WWOX: variants seen among roughly 807,000 people sequenced by gnomAD.
The protein encoded by WWOX is WW domain-containing oxidoreductase.
A neutral mutation model predicts 46.2 loss-of-function variants in WWOX; 69 were observed. The observed-to-expected ratio is 1.49, with a 90% CI of 1.23 to 1.82. The LOEUF (loss-of-function observed/expected upper bound fraction) is 1.82. Among genes scored for constraint, WWOX ranks in the 40% most tolerant of loss-of-function variants. The pLI, the probability that WWOX is intolerant of heterozygous loss-of-function variation, is 0.00. For synonymous variants in WWOX, 359 were observed against 202.6 expected (o/e 1.77, Z -6.56); for missense variants, 919 against 542.6 (o/e 1.69, Z -6.89).
At chr16:78,295,253 A>C (rs1190814107) in intron 5 of WWOX, among the ~76,000 whole-genome samples, 1 of 152,154 alleles carries the variant, frequency 6.6e-6, no homozygotes, top group African/African-American at 2.4e-5. Context: ...TCTAGACTGA[A>C]ATGTGCTAAT....
intron 5 of WWOX, among the ~76,000 whole-genome samples, chr16:78,268,105 C>T (rs1400674487): frequency 2.0e-5 from 3 of 152,200 alleles, no homozygotes; most frequent in South Asian, 2.1e-4. Context: ...AGGCGTGAGC[C>T]GCCGTGTCTG....
intron 6 of WWOX, among the ~76,000 whole-genome samples, chr16:78,402,908 C>T (rs963039829): frequency 6.6e-6 from 1 of 152,194 alleles, no homozygotes; most frequent in Non-Finnish European, 1.5e-5. Context: ...TCCTCAACTC[C>T]AGAGCCAAGT....
In WWOX at chr16:78,391,095, G is replaced by C. The variant is rs544172103; in HGVS notation, c.605+4147G>C. 3.3e-5 allele frequency among the ~76,000 whole-genome samples: 5 copies of C among 152,278 alleles called. No homozygotes were observed. The South Asian group carries it at 6.2e-4, about 19-fold the overall frequency. On this transcript the variant is annotated intron_variant, in intron 6 of 8. Coordinates refer to ENST00000566780, the MANE Select transcript of WWOX (RefSeq NM_016373.4). ...CTTAGTACAAACACTGGTGAGAAAA[G>C]CAGCATATTGTACTGTGGAACCACC... is the stretch of plus-strand genomic sequence containing the variant.
intron 5 of WWOX, among the ~76,000 whole-genome samples, chr16:78,228,530 C>T (rs1385124555): frequency 1.3e-5 from 2 of 152,024 alleles, no homozygotes; most frequent in African/African-American, 4.8e-5. Flanking sequence ...TTTGTAGAGA[C>T]AGGGTTTCAC....
At chr16:78,485,064 G>A (rs949510660) in intron 8 of WWOX, among the ~76,000 whole-genome samples, 1 of 152,002 alleles carries the variant, frequency 6.6e-6, no homozygotes, top group Non-Finnish European at 1.5e-5. Flanking sequence ...GATGAATGTT[G>A]GAAGTCCTTC....
intron 8 of WWOX, among the ~76,000 whole-genome samples, chr16:79,015,937 G>C (rs1490416985): frequency 6.6e-6 from 1 of 152,120 alleles, no homozygotes; most frequent in Non-Finnish European, 1.5e-5. Context: ...TTTTAGTAGA[G>C]ACAGGATTTC....
chr16:78,243,450 CT>C (rs1433509684), intron 5 of WWOX, among the ~76,000 whole-genome samples: 2 of 152,062 alleles, frequency 1.3e-5, no homozygotes, highest in East Asian at 3.9e-4. Context: ...TATACAGATT[CT>C]TTTGTCACCC....
At chr16:78,802,329 G>T (rs1369735921) in intron 8 of WWOX, among the ~76,000 whole-genome samples, 5 of 150,460 alleles carry the variant, frequency 3.3e-5, no homozygotes, top group Non-Finnish European at 4.4e-5. Context: ...ACACAGAAAG[G>T]AACATAAATT....
At chr16:78,363,309 T>C (rs2081453307) in intron 5 of WWOX, among the ~76,000 whole-genome samples, 1 of 151,778 alleles carries the variant, frequency 6.6e-6, no homozygotes, top group Non-Finnish European at 1.5e-5. Flanking sequence ...GGTCTTAATA[T>C]GTCACCCAGG....
intron 4 of WWOX, among the ~76,000 whole-genome samples, chr16:78,118,005 A>C (rs988115455): frequency 6.6e-6 from 1 of 151,536 alleles, no homozygotes; most frequent in Non-Finnish European, 1.5e-5. Flanking sequence ...CGATTTGCAA[A>C]TCTAGTATTT....
chr16:78,473,287 G>A (rs1211058326), intron 8 of WWOX, among the ~76,000 whole-genome samples: 3 of 152,056 alleles, frequency 2.0e-5, no homozygotes, highest in South Asian at 2.1e-4. Flanking sequence ...GTGGCACCAC[G>A]CCTGGGTAAT....
intron 8 of WWOX, among the ~76,000 whole-genome samples, chr16:78,902,786 T>C (rs2044862715): frequency 6.6e-6 from 1 of 152,226 alleles, no homozygotes; most frequent in South Asian, 2.1e-4. Context: ...AAATCTGTTG[T>C]GCTTTCCTCT....
chr16:78,452,141 C>T (rs1216466855), intron 8 of WWOX, among the ~76,000 whole-genome samples: 1 of 152,046 alleles, frequency 6.6e-6, no homozygotes, highest in East Asian at 1.9e-4. Flanking sequence ...CAGGCATATC[C>T]CACAGAATCT....
chr16:79,030,886 C>G (rs1309327143), intron 8 of WWOX, among the ~76,000 whole-genome samples: 1 of 151,830 alleles, frequency 6.6e-6, no homozygotes, highest in Non-Finnish European at 1.5e-5. Flanking sequence ...AGCTTAAGAC[C>G]AGCTTAGGGA....
chr16:79,135,097 G>C (rs1597405684), intron 8 of WWOX, among the ~76,000 whole-genome samples: 1 of 152,106 alleles, frequency 6.6e-6, no homozygotes, highest in South Asian at 2.1e-4. Context: ...ACTGTGGCTT[G>C]AATTTTCTAA....
At chr16:78,168,811 G>T (rs536749084) in intron 5 of WWOX, among the ~76,000 whole-genome samples, 1 of 152,244 alleles carries the variant, frequency 6.6e-6, no homozygotes, top group South Asian at 2.1e-4. Flanking sequence ...TACAACTTAA[G>T]TGAAAACACA....
intron 4 of WWOX, among the ~76,000 whole-genome samples, chr16:78,138,150 C>G (rs2033864690): frequency 6.6e-6 from 1 of 150,734 alleles, no homozygotes; most frequent in African/African-American, 2.5e-5. Context: ...GTAGAAGAGT[C>G]ACAAAACATC....
At position 78,748,868 on chromosome 16, in the gene WWOX, G is replaced by A. The variant is rs183677321; in HGVS notation, c.1056+316116G>A. 4.6e-5 allele frequency among the ~76,000 whole-genome samples: 7 copies of A among 152,352 alleles called. No homozygotes were observed. The East Asian group carries it at 9.6e-4, about 21-fold the overall frequency. ...ATCTTAAGTAGGAAGGAGCATCTTTGCAGGGGAGGTGAATTGATTTGCAAA... is the reference window on the plus strand; with the variant it reads ...ATCTTAAGTAGGAAGGAGCATCTTTACAGGGGAGGTGAATTGATTTGCAAA... On this transcript the variant is annotated intron_variant, in intron 8 of 8. Coordinates refer to ENST00000566780, the MANE Select transcript of WWOX (RefSeq NM_016373.4).
chr16:78,391,029 C>CAT (rs2082164963), intron 6 of WWOX, among the ~76,000 whole-genome samples: 1 of 152,210 alleles, frequency 6.6e-6, no homozygotes, highest in Admixed American at 6.5e-5. Flanking sequence ...GGATAGGCAG[C>CAT]ATATTGTGTA....
Sources: gnomAD v4.1 joint callset for allele counts (sites outside exome capture counted in the v4.1 genomes callset) on GRCh38, gnomAD v4.1.1 for gene constraint, MANE v1.5 for transcripts, NCBI Gene and HGNC (gene_info 2026-07-23, HGNC 2026-07-21) for gene names.